Variants in TERF1 observed in about 807,000 individuals in gnomAD.
TERF1 encodes the protein telomeric repeat binding factor 1.
A neutral mutation model predicts 55.1 loss-of-function variants in TERF1; 20 were observed. That is an observed-to-expected ratio of 0.36 (90% CI 0.26 to 0.53). TERF1 has a LOEUF of 0.53. Ranked by LOEUF, TERF1 falls within the 20% of genes least tolerant of loss-of-function variation. TERF1 has a pLI of 0.91. For synonymous variants in TERF1, 168 were observed against 181.2 expected (o/e 0.93, Z 0.59); for missense variants, 439 against 535.7 (o/e 0.82, Z 1.78).
At chr8:73,039,469 A>T (rs1051622240) in intron 9 of TERF1, among the ~76,000 whole-genome samples, 1 of 152,216 alleles carries the variant, frequency 6.6e-6, no homozygotes, top group African/African-American at 2.4e-5. Context: ...TGATACTATC[A>T]TAAAATCTGT....
chr8:73,027,789 T>G (rs1423323538), intron 6 of TERF1, among the ~76,000 whole-genome samples: 2 of 152,182 alleles, frequency 1.3e-5, no homozygotes, highest in Admixed American at 6.5e-5. Context: ...ACTTTCTTCT[T>G]GGGACCATGA....
At position 73,014,016 on chromosome 8, in the gene TERF1, T is replaced by A. The variant is rs190679937; in HGVS notation, c.415+26T>A. 2.0e-3 allele frequency: 3,064 copies of A among 1,509,714 alleles called. 7 individuals carry two copies. The highest frequency in any genetic ancestry group is 2.3e-3 in the Non-Finnish European group (2,559 of 1,092,134). The allele number at this position is 1,509,714 out of a possible 1,614,324, so 93.5% of individuals were successfully genotyped here. On this transcript the variant is annotated intron_variant, in intron 2 of 9. Transcript: ENST00000276603. ...GTAAATATGTTTTTTTATTTTATAT[T>A]GGAAATATTTCAATCTGTTTCTAAT...
intron 8 of TERF1, chr8:73,038,829 A>G: frequency 2.5e-6 from 2 of 796,632 alleles, no homozygotes; most frequent in Middle Eastern, 5.9e-4. Flanking sequence ...TGCAATAAAT[A>G]TTTTTCCTTT....
At chr8:73,029,556 A>G (rs1809186638) in intron 6 of TERF1, among the ~76,000 whole-genome samples, 1 of 144,710 alleles carries the variant, frequency 6.9e-6, no homozygotes, top group Non-Finnish European at 1.5e-5. Context: ...GTCTGCAGTA[A>G]GCTGTGTTTG....
At position 73,015,250 on chromosome 8, in the gene TERF1, C is replaced by T. The variant is rs55689648; in HGVS notation, c.415+1260C>T. 4.6e-4 allele frequency among the ~76,000 whole-genome samples: 69 copies of T among 150,826 alleles called. 1 individual carries two copies. In the East Asian group the frequency reaches 0.011, roughly 25 times the overall value. On this transcript the variant is annotated intron_variant, in intron 2 of 9. Transcript: ENST00000276603. ...AATCAATGTATTTCACCATAATGCA[C>T]TAAACTGAGGCAGCATTTAAAATTT...
chr8:73,040,564 A>G (rs1271316801), intron 9 of TERF1, among the ~76,000 whole-genome samples: 2 of 152,152 alleles, frequency 1.3e-5, no homozygotes, highest in African/African-American at 4.8e-5. Context: ...TGCAGTTTGA[A>G]TATGATGTAC....
At chr8:73,040,394 A>G (rs1809783238) in intron 9 of TERF1, among the ~76,000 whole-genome samples, 2 of 152,156 alleles carry the variant, frequency 1.3e-5, no homozygotes, top group Admixed American at 1.3e-4. Context: ...TTCTACCTAC[A>G]TTATGGTTCA....
chr8:73,041,452 G>A (rs1249342559), intron 9 of TERF1, among the ~76,000 whole-genome samples: 1 of 152,098 alleles, frequency 6.6e-6, no homozygotes, highest in African/African-American at 2.4e-5. Flanking sequence ...CCTGTGCATA[G>A]TTCTCCTTCT....
chr8:73,037,134 A>G (rs1317625567), intron 8 of TERF1, among the ~76,000 whole-genome samples: 1 of 130,306 alleles, frequency 7.7e-6, no homozygotes, highest in African/African-American at 2.8e-5. Flanking sequence ...TATATAATTA[A>G]TAATTTATAT....
In TERF1 at chr8:73,043,883, G is replaced by A. The variant is rs969882991; in HGVS notation, c.1144-2078G>A. Among the ~76,000 whole-genome samples the A allele has an allele frequency of 6.6e-5, 10 of 152,262 alleles. No individual in the cohort carries two copies. In the East Asian group the frequency reaches 1.9e-3, roughly 29 times the overall value. On this transcript the variant is annotated intron_variant, in intron 9 of 9. Coordinates refer to ENST00000276603, the MANE Select transcript of TERF1 (RefSeq NM_017489.3). Reference sequence around the variant, plus strand: ...CTTTTTAAAGCTGAATAACGTATATGGCAAGTTTTTGAAAGAACAGAAATG... The same window carrying A: ...CTTTTTAAAGCTGAATAACGTATATAGCAAGTTTTTGAAAGAACAGAAATG...
At chr8:73,018,366 G>A (rs1808612026) in intron 2 of TERF1, among the ~76,000 whole-genome samples, 1 of 152,190 alleles carries the variant, frequency 6.6e-6, no homozygotes, top group Non-Finnish European at 1.5e-5. Flanking sequence ...AGGAAAAAAG[G>A]ATGTGCTATT....
intron 9 of TERF1, among the ~76,000 whole-genome samples, chr8:73,039,581 CAAAG>C (rs1362751504): frequency 1.3e-5 from 2 of 152,064 alleles, no homozygotes; most frequent in East Asian, 1.9e-4. Context: ...TACTTAAAAA[CAAAG>C]AAAAGATACC....
intron 2 of TERF1, among the ~76,000 whole-genome samples, chr8:73,019,998 C>T (rs1447420089): frequency 6.6e-6 from 1 of 152,184 alleles, no homozygotes; most frequent in African/African-American, 2.4e-5. Flanking sequence ...TTCTCATTAG[C>T]ATGTGCGTAT....
chr8:73,027,313 A>C (rs539091269), intron 6 of TERF1, among the ~76,000 whole-genome samples: 71 of 152,312 alleles, frequency 4.7e-4, no homozygotes, highest in African/African-American at 1.6e-3. Flanking sequence ...CTTAGGAACA[A>C]GGGTGAGGTT....
chr8:73,035,498 AC>A (rs1394828316), intron 8 of TERF1, among the ~76,000 whole-genome samples: 1 of 152,038 alleles, frequency 6.6e-6, no homozygotes, highest in Non-Finnish European at 1.5e-5. Context: ...ACAGAGAAGA[AC>A]GTGAATTCTG....
chr8:73,014,036 T>C, intron 2 of TERF1, 46 bp downstream of exon 2: 2 of 1,474,814 alleles, frequency 1.4e-6, no homozygotes, highest in Non-Finnish European at 1.9e-6. Flanking sequence ...TCAATCTGTT[T>C]CTAATGTAAG....
intron 8 of TERF1, among the ~76,000 whole-genome samples, chr8:73,037,704 TTATATTA>T (rs1809618602): frequency 1.7e-4 from 2 of 11,590 alleles, no homozygotes; most frequent in Non-Finnish European, 4.2e-4. Flanking sequence ...TAGTATAATA[TTATATTA>T]TATATAATAT....
At chr8:73,016,564 C>G (rs1287719755) in intron 2 of TERF1, among the ~76,000 whole-genome samples, 1 of 151,818 alleles carries the variant, frequency 6.6e-6, no homozygotes, top group African/African-American at 2.4e-5. Context: ...TCCTGAGTAG[C>G]TAGGACTACA....
intron 6 of TERF1, chr8:73,030,041 T>G: frequency 4.3e-6 from 1 of 230,860 alleles, no homozygotes; most frequent in East Asian, 8.6e-5. Flanking sequence ...TTTTTAAAAC[T>G]TGAATTCATG....
Sources: gnomAD v4.1 joint callset for allele counts (sites outside exome capture counted in the v4.1 genomes callset) on GRCh38, gnomAD v4.1.1 for gene constraint, MANE v1.5 for transcripts, NCBI Gene and HGNC (gene_info 2026-07-23, HGNC 2026-07-21) for gene names.